WDR59: variants seen among roughly 807,000 people sequenced by gnomAD.
WDR59 encodes the protein WD repeat domain 59, also known as GATOR2 complex protein WDR59.
WDR59 carries 100 observed loss-of-function variants against 131.2 expected under a neutral mutation model. That is an observed-to-expected ratio of 0.76 (90% CI 0.65 to 0.90). The LOEUF (loss-of-function observed/expected upper bound fraction) is 0.90. WDR59 is among the 40% of genes least tolerant of loss of function. The pLI is 0.00. For synonymous variants in WDR59, 601 were observed against 466.2 expected, an observed-to-expected ratio of 1.29 and a Z score of -3.72; for missense variants, 1,203 against 1,262.2, an observed-to-expected ratio of 0.95 and a Z score of 0.71.
chr16:74,969,725 C>A (rs1414978312), intron 1 of WDR59, among the ~76,000 whole-genome samples: 1 of 151,866 alleles, frequency 6.6e-6, no homozygotes, highest in Non-Finnish European at 1.5e-5. Context: ...TGTGCCACCA[C>A]GCCCGGCTCA....
intron 13 of WDR59, among the ~76,000 whole-genome samples, chr16:74,914,961 A>C (rs922920266): frequency 1.3e-5 from 2 of 152,246 alleles, no homozygotes; most frequent in African/African-American, 4.8e-5. Flanking sequence ...GGAAAAACTA[A>C]TCAAGCTTTA....
chr16:74,903,779 G>A (rs2144888122), intron 18 of WDR59, among the ~76,000 whole-genome samples, 168 bp downstream of exon 18: 1 of 152,238 alleles, frequency 6.6e-6, no homozygotes, highest in Non-Finnish European at 1.5e-5. Context: ...ATTTATAGCA[G>A]GTAAAACCAA....
At chr16:74,906,445 G>C (rs1965826667) in intron 17 of WDR59, among the ~76,000 whole-genome samples, 3 of 152,028 alleles carry the variant, frequency 2.0e-5, no homozygotes, top group Admixed American at 1.3e-4. Context: ...TAGTGACAGG[G>C]TAAATGGCAC....
chr16:74,893,128 C>T (rs781399554), intron 19 of WDR59, among the ~76,000 whole-genome samples: 1 of 152,168 alleles, frequency 6.6e-6, no homozygotes, highest in Non-Finnish European at 1.5e-5. Flanking sequence ...TACTCCACCC[C>T]CTTTGAATGT....
At chr16:74,958,620 A>AAAAAAAAAAAAAAAAAAAAAAG (rs1199806175) in intron 2 of WDR59, among the ~76,000 whole-genome samples, 1 of 141,050 alleles carries the variant, frequency 7.1e-6, no homozygotes, top group Non-Finnish European at 1.5e-5. Context: ...AAAAAAAAAA[A>AAAAAAAAAAAAAAAAAAAAAAG]CAAGCTAAAT....
chr16:74,890,978 G>A (rs999215578), intron 20 of WDR59, among the ~76,000 whole-genome samples: 1 of 152,074 alleles, frequency 6.6e-6, no homozygotes, highest in Non-Finnish European at 1.5e-5. Flanking sequence ...GCTGGGCATG[G>A]TGGCACACGC....
rs8055648 is a variant in WDR59 at position 74,978,699 on chromosome 16, C to A, written c.54+6265G>T. ...TACGGCAGTGGTTACATGACTACATCCATTTGTCAAAACCCAACAAACTCT... is the reference window on the plus strand; with the variant it reads ...TACGGCAGTGGTTACATGACTACATACATTTGTCAAAACCCAACAAACTCT... On this transcript the variant is annotated intron_variant, in intron 1 of 25. Coordinates refer to ENST00000262144, the MANE Select transcript of WDR59 (RefSeq NM_030581.4). Among the ~76,000 whole-genome samples the A allele has an allele frequency of 4.5e-3, 678 of 152,146 alleles. 4 individuals carry two copies. Among genetic ancestry groups the A allele is most frequent in the African/African-American group, 0.015 (643 of 41,530 alleles).
At chr16:74,878,199 G>A (rs1964310148) in intron 25 of WDR59, among the ~76,000 whole-genome samples, 1 of 152,164 alleles carries the variant, frequency 6.6e-6, no homozygotes, top group Admixed American at 6.5e-5. Flanking sequence ...AAATAGGGAA[G>A]TTCAACCTCC....
intron 13 of WDR59, among the ~76,000 whole-genome samples, chr16:74,913,083 G>C (rs984672662): frequency 1.5e-5 from 2 of 134,810 alleles, no homozygotes; most frequent in African/African-American, 5.4e-5. Context: ...GGGGGGGGGG[G>C]GCCTGTTCCC....
chr16:74,893,778 G>A lies in WDR59; in HGVS notation c.1901C>T (p.Ser634Leu), dbSNP rs897896397. ...CTTGATCTGTCGATTGCCAGAGTCT[G>A]ATCCCTCACGCTTACTTTTCCATCG... Reference protein sequence around the residue: ...SRRWKSKREGSDSGNRQIKAA... With the variant: ...SRRWKSKREGLDSGNRQIKAA... The change falls in exon 19 of 26, where the codon TCA (serine) becomes TTA (leucine). Residue 634 changes from serine to leucine, a missense_variant. Physicochemically the swap from Ser to Leu is moderately radical, Grantham distance 145. Coordinates refer to ENST00000262144, the MANE Select transcript of WDR59 (RefSeq NM_030581.4). The A allele has an allele frequency of 2.5e-5, 40 of 1,614,164 alleles. No individual in the cohort carries two copies. The highest frequency in any genetic ancestry group is 3.4e-5 in the Non-Finnish European group (40 of 1,180,032).
chr16:74,984,735 C>G (rs1240273837), intron 1 of WDR59: 1 of 594,772 alleles, frequency 1.7e-6, no homozygotes, highest in Non-Finnish European at 3.0e-6. Flanking sequence ...GGACCCCACT[C>G]CCCTACCCGC....
intron 6 of WDR59, among the ~76,000 whole-genome samples, chr16:74,947,436 A>C (rs2032718889): frequency 6.6e-6 from 1 of 152,216 alleles, no homozygotes; most frequent in South Asian, 2.1e-4. Context: ...AATTGTGGAG[A>C]AACCACAGGA....
chr16:74,965,075 A>G (rs2033715805), intron 2 of WDR59, among the ~76,000 whole-genome samples: 1 of 152,102 alleles, frequency 6.6e-6, no homozygotes, highest in Non-Finnish European at 1.5e-5. Context: ...AAAAAAAAAA[A>G]AAAATTTTTT....
At chr16:74,887,082 C>T (rs982971997) in intron 23 of WDR59, among the ~76,000 whole-genome samples, 1 of 152,156 alleles carries the variant, frequency 6.6e-6, no homozygotes, top group Admixed American at 6.5e-5. Flanking sequence ...CACACTCCTG[C>T]ACACAAAGAA....
At chr16:74,924,071 AG>A in intron 8 of WDR59, 68 bp from the exon 9 acceptor site, 8 of 1,494,736 alleles carry the variant, frequency 5.4e-6, no homozygotes, top group Non-Finnish European at 7.4e-6. Context: ...AAATAAGCAC[AG>A]CCTTTGAACT....
chr16:74,978,495 AAAAACAAAAC>A (rs972119386), intron 1 of WDR59, among the ~76,000 whole-genome samples: 1 of 152,146 alleles, frequency 6.6e-6, no homozygotes, highest in Non-Finnish European at 1.5e-5. Flanking sequence ...TGTCCCTTCA[AAAAACAAAAC>A]AAAACAAAAC....
At chr16:74,914,117 CA>C (rs1223273398) in intron 13 of WDR59, among the ~76,000 whole-genome samples, 6 of 152,104 alleles carry the variant, frequency 3.9e-5, no homozygotes, top group Non-Finnish European at 5.9e-5. Flanking sequence ...GAAGCTGAGG[CA>C]GGAGAATCGC....
At chr16:74,920,384 G>A (rs1347427673) in intron 10 of WDR59, among the ~76,000 whole-genome samples, 4 of 152,064 alleles carry the variant, frequency 2.6e-5, no homozygotes, top group Non-Finnish European at 5.9e-5. Context: ...TGTTCAGTGG[G>A]TTAGGTGGGT....
At position 74,967,808 on chromosome 16, in the gene WDR59, G is replaced by A. The variant is rs115634032; in HGVS notation, c.55-1986C>T. On this transcript the variant is annotated intron_variant, in intron 1 of 25. Coordinates refer to ENST00000262144, the MANE Select transcript of WDR59 (RefSeq NM_030581.4). ...CGGGAAGCAGAGGTTGCAGTGAGCC[G>A]AGACATGCCACTGCACTCCAGCTTG... Among the ~76,000 whole-genome samples, 1,007 of 148,752 alleles carry A rather than the reference G, an allele frequency of 6.8e-3. 16 individuals carry two copies. The highest frequency in any genetic ancestry group is 0.024 in the African/African-American group (953 of 40,316).
Sources: allele counts gnomAD v4.1 joint callset (sites outside exome capture counted in the v4.1 genomes callset), GRCh38; gene constraint gnomAD v4.1.1; transcripts MANE v1.5; gene names NCBI Gene and HGNC (gene_info 2026-07-23, HGNC 2026-07-21).